Variants in MAP4K1 observed in about 807,000 individuals in gnomAD.
The protein encoded by MAP4K1 is MAPK/ERK kinase kinase kinase 1.
MAP4K1 carries 35 observed loss-of-function variants against 122.8 expected under a neutral mutation model. The observed-to-expected ratio is 0.29, with a 90% CI of 0.22 to 0.38. The LOEUF (loss-of-function observed/expected upper bound fraction) is 0.38, where lower values mean the gene tolerates loss of function less well. Ranked by LOEUF, MAP4K1 falls within the 10% of genes least tolerant of loss-of-function variation. MAP4K1 has a pLI of 1.00. For missense variants in MAP4K1, 791 were observed against 1,072.6 expected (o/e 0.74, Z 3.67); for synonymous variants, 412 against 421.3 (o/e 0.98, Z 0.27).
rs773317386 is a variant in MAP4K1 at position 38,607,875 on chromosome 19, G to A, written c.1146C>T (p.Asp382=). 97 of 1,611,680 alleles carry A rather than the reference G, an allele frequency of 6.0e-5. No homozygotes were observed. Among genetic ancestry groups the A allele is most frequent in the Middle Eastern group, 4.9e-4 (3 of 6,084 alleles). Reference sequence around the variant, plus strand: ...AGGGCCTCACTTACATGTCCACGTCGTCATAGTCATCGTCAGACGACTCTG... The same window carrying A: ...AGGGCCTCACTTACATGTCCACGTCATCATAGTCATCGTCAGACGACTCTG... ...QLSESSDDDY[D]DVDIPTPAED... is the part of the protein sequence containing the mutation. The change falls in exon 16 of 31, where the codon GAC becomes GAT. Residue 382 remains aspartate (D), a synonymous_variant. Transcript: ENST00000396857.
In MAP4K1 at chr19:38,607,923, C is replaced by T; in HGVS notation, c.1110-12G>A. ...CTGACAGTTGCTTCCTGAAGGGTGA[C>T]AGGTATGAGCCTTGGGGGCCTTGTC... On this transcript the variant is annotated splice_polypyrimidine_tract_variant and intron_variant, in intron 15 of 30. Coordinates refer to ENST00000396857, the MANE Select transcript of MAP4K1 (RefSeq NM_001042600.3). 2 of 1,612,428 alleles carry T rather than the reference C, an allele frequency of 1.2e-6. No individual in the cohort carries two copies. Among genetic ancestry groups the T allele is most frequent in the Non-Finnish European group, 1.7e-6 (2 of 1,179,346 alleles).
At chr19:38,616,343 T>C (rs985570364) in intron 3 of MAP4K1, 84 bp from the exon 4 acceptor site, 7 of 1,064,014 alleles carry the variant, frequency 6.6e-6, no homozygotes, top group Middle Eastern at 2.1e-4. Flanking sequence ...TTCTGTCTTG[T>C]TCTAGTTCAA....
intron 22 of MAP4K1, among the ~76,000 whole-genome samples, chr19:38,598,968 G>GCGCCACT (rs1447527022): frequency 2.1e-5 from 3 of 144,206 alleles, no homozygotes; most frequent in Non-Finnish European, 3.0e-5. Context: ...AGCCGAGACT[G>GCGCCACT]CGCCACTGCA....
At chr19:38,596,823 G>A (rs1974902232) in intron 25 of MAP4K1, among the ~76,000 whole-genome samples, 1 of 152,180 alleles carries the variant, frequency 6.6e-6, no homozygotes, top group African/African-American at 2.4e-5. Context: ...GGAATAATTA[G>A]GCCCAGGTGT....
chr19:38,609,772 A>G, intron 12 of MAP4K1, 98 bp from the exon 13 acceptor site: 1 of 1,328,026 alleles, frequency 7.5e-7, no homozygotes. Flanking sequence ...CTCTGGGCAC[A>G]CAGCCTTTTA....
chr19:38,609,595 C>T lies in MAP4K1; in HGVS notation c.1006+1G>A, dbSNP rs944109880. Reference sequence around the variant, plus strand: ...CCCAAACATAAGGATTCTCTACTCACGACAGCAGTCTGCATCTGGGATCCC... The same window carrying T: ...CCCAAACATAAGGATTCTCTACTCATGACAGCAGTCTGCATCTGGGATCCC... On this transcript the variant is annotated splice_donor_variant, in intron 13 of 30. Transcript: ENST00000396857. LOFTEE classifies it high-confidence loss of function. 1.9e-6 allele frequency: 3 copies of T among 1,613,116 alleles called. No homozygotes were observed. Among genetic ancestry groups the T allele is most frequent in the Admixed American group, 1.7e-5 (1 of 59,856 alleles).
At chr19:38,598,677 T>C (rs1483124305) in intron 22 of MAP4K1, among the ~76,000 whole-genome samples, 3 of 152,056 alleles carry the variant, frequency 2.0e-5, no homozygotes, top group Non-Finnish European at 2.9e-5. Context: ...TAGTAAAGTA[T>C]GGAATAAGTT....
At chr19:38,613,781 G>T in intron 8 of MAP4K1, 99 bp downstream of exon 8, 1 of 892,530 alleles carries the variant, frequency 1.1e-6, no homozygotes, top group Admixed American at 2.2e-5. Flanking sequence ...AAAGGACGAG[G>T]CAGGGGAACG....
At chr19:38,600,243 G>GT (rs1275709285) in intron 20 of MAP4K1, 90 bp from the exon 21 acceptor site, 44 of 1,019,400 alleles carry the variant, frequency 4.3e-5, no homozygotes, top group South Asian at 3.2e-4. Context: ...CTGACACTCT[G>GT]TCCCCAGCTC....
intron 30 of MAP4K1, among the ~76,000 whole-genome samples, chr19:38,591,209 GAAT>G (rs1555807386): frequency 1.3e-5 from 2 of 150,388 alleles, no homozygotes; most frequent in South Asian, 2.1e-4. Context: ...AAAAAAAAAA[GAAT>G]AATAAGGCAA....
At position 38,595,647 on chromosome 19, in the gene MAP4K1, C is replaced by T. The variant is rs771290614; in HGVS notation, c.2262G>A (p.Glu754=). 1.9e-6 allele frequency: 3 copies of T among 1,613,640 alleles called. No individual in the cohort carries two copies. The highest frequency in any genetic ancestry group is 1.1e-5 in the South Asian group (1 of 91,058). The change falls in exon 28 of 31, where the codon GAG becomes GAA. Residue 754 remains glutamate, a synonymous_variant. Transcript: ENST00000396857. ...TPEIPMTEAV[E]AVAMVGGQLQ... ...TCCCGTCCCTGCACAGACCCACGGC[C>T]TCCACCGCTTCGGTCATGGGGATCT... is the stretch of plus-strand genomic sequence containing the variant.
chr19:38,590,689 C>T (rs1974702473), intron 30 of MAP4K1, among the ~76,000 whole-genome samples: 1 of 151,482 alleles, frequency 6.6e-6, no homozygotes, highest in African/African-American at 2.4e-5. Flanking sequence ...TGGCCAGGCC[C>T]ATCTCCAACT....
At chr19:38,602,647 TATATAC>T (rs1975119478) in intron 19 of MAP4K1, among the ~76,000 whole-genome samples, 2 of 137,062 alleles carry the variant, frequency 1.5e-5, no homozygotes, top group African/African-American at 5.7e-5. Flanking sequence ...CACCTATACA[TATATAC>T]ATATATACAC....
intron 29 of MAP4K1, among the ~76,000 whole-genome samples, chr19:38,595,148 C>G (rs1974834314): frequency 6.6e-6 from 1 of 150,608 alleles, no homozygotes; most frequent in African/African-American, 2.4e-5. Flanking sequence ...AATTAGCCAG[C>G]TGTGGTGGCG....
rs117038553 is a variant in MAP4K1 at position 38,596,185 on chromosome 19, C to T, written c.2116+127G>A. The T allele has an allele frequency of 4.0e-3, 5,435 of 1,364,406 alleles. 14 individuals are homozygous for T. Among genetic ancestry groups the T allele is most frequent in the Non-Finnish European group, 5.1e-3 (5,110 of 1,010,370 alleles). The allele number at this position is 1,364,406 out of a possible 1,614,324, so 84.5% of individuals were successfully genotyped here. On this transcript the variant is annotated intron_variant, in intron 26 of 30. Transcript: ENST00000396857. ...CCCCAGTTAACTAAAACCTGCCATT[C>T]TCCCTTCTCCGCCCTTCCAGCCCTT...
intron 19 of MAP4K1, 83 bp from the exon 20 acceptor site, chr19:38,601,608 G>A (rs1289234805): frequency 1.8e-5 from 18 of 994,634 alleles, no homozygotes; most frequent in Non-Finnish European, 2.6e-5. Context: ...CGACTTTGGA[G>A]CGAGAGTGCC....
chr19:38,612,873 G>T, intron 8 of MAP4K1, 131 bp from the exon 9 acceptor site: 1 of 951,698 alleles, frequency 1.1e-6, no homozygotes, highest in Non-Finnish European at 1.6e-6. Context: ...AGGGACAGGA[G>T]TAAAGACAGA....
rs1300478343 is a variant in MAP4K1 at position 38,595,659 on chromosome 19, G to T, written c.2250C>A (p.Thr750=). 2 of 1,613,532 alleles carry T rather than the reference G, an allele frequency of 1.2e-6. No homozygotes were observed. The highest frequency in any genetic ancestry group is 1.7e-6 in the Non-Finnish European group (2 of 1,179,664). The part of the protein sequence containing the change: ...RGLRTPEIPM[T]EAVEAVAMVG... ...ACAGACCCACGGCCTCCACCGCTTC[G>T]GTCATGGGGATCTCAGGTGTGCGAA... is the stretch of plus-strand genomic sequence containing the variant. Residue 750 remains threonine, a synonymous_variant, in exon 28 of 31, where the codon ACC becomes ACA. Transcript: ENST00000396857.
chr19:38,589,954 C>T (rs1412781049), intron 30 of MAP4K1, among the ~76,000 whole-genome samples: 2 of 151,806 alleles, frequency 1.3e-5, no homozygotes, highest in East Asian at 3.9e-4. Context: ...TGATTGAACC[C>T]AGGAGGTCGA....
Sources: allele counts gnomAD v4.1 joint callset (sites outside exome capture counted in the v4.1 genomes callset), GRCh38; gene constraint gnomAD v4.1.1; transcripts MANE v1.5; gene names NCBI Gene and HGNC (gene_info 2026-07-23, HGNC 2026-07-21).